The following CTNND2 variants were observed in gnomAD, a reference collection of about 807,000 sequenced individuals.
CTNND2 encodes catenin delta 2, also known as catenin delta-2.
Under a neutral mutation model 144.4 loss-of-function variants are expected in CTNND2, and 22 were observed. The observed-to-expected ratio is 0.15, with a 90% CI of 0.11 to 0.22. The LOEUF is 0.22. CTNND2 is among the 10% of genes least tolerant of loss of function. The pLI, the probability that CTNND2 is intolerant of heterozygous loss-of-function variation, is 1.00. For synonymous variants in CTNND2, 751 were observed against 695.6 expected, an observed-to-expected ratio of 1.08 and a Z score of -1.25; for missense variants, 1,353 against 1,618.8, an observed-to-expected ratio of 0.84 and a Z score of 2.82.
At chr5:11,528,241 A>C (rs1167371286) in intron 3 of CTNND2, among the ~76,000 whole-genome samples, 1 of 152,074 alleles carries the variant, frequency 6.6e-6, no homozygotes, top group Non-Finnish European at 1.5e-5. Flanking sequence ...ACTTGGAGAC[A>C]AGCCGCACAG....
intron 3 of CTNND2, among the ~76,000 whole-genome samples, chr5:11,488,633 C>A (rs1421262508): frequency 6.6e-6 from 1 of 152,078 alleles, no homozygotes; most frequent in Non-Finnish European, 1.5e-5. Flanking sequence ...TATATAGATT[C>A]ATGTAACTAG....
chr5:11,202,311 C>T (rs549680230), intron 10 of CTNND2, among the ~76,000 whole-genome samples: 1 of 151,994 alleles, frequency 6.6e-6, no homozygotes, highest in Admixed American at 6.6e-5. Flanking sequence ...AAACTGAATG[C>T]AGCATGAATT....
At chr5:11,221,624 T>C (rs1225084791) in intron 10 of CTNND2, among the ~76,000 whole-genome samples, 3 of 152,244 alleles carry the variant, frequency 2.0e-5, no homozygotes, top group Non-Finnish European at 4.4e-5. Flanking sequence ...CATCACATGA[T>C]ACGAAGCCTT....
At chr5:11,647,653 C>T (rs1332259775) in intron 2 of CTNND2, among the ~76,000 whole-genome samples, 1 of 152,050 alleles carries the variant, frequency 6.6e-6, no homozygotes, top group African/African-American at 2.4e-5. Flanking sequence ...TCCTGCACCC[C>T]ACACAATTCT....
At chr5:11,266,058 T>G (rs901571456) in intron 9 of CTNND2, among the ~76,000 whole-genome samples, 1 of 152,132 alleles carries the variant, frequency 6.6e-6, no homozygotes, top group African/African-American at 2.4e-5. Context: ...TTCAGGTAGT[T>G]TTGATCCATA....
chr5:11,753,023 A>G (rs1163153280), intron 1 of CTNND2, among the ~76,000 whole-genome samples: 1 of 151,692 alleles, frequency 6.6e-6, no homozygotes, highest in Non-Finnish European at 1.5e-5. Context: ...TTTGTGCACT[A>G]ATTTTACATT....
chr5:11,190,570 G>A (rs566026585), intron 11 of CTNND2, among the ~76,000 whole-genome samples: 2 of 152,270 alleles, frequency 1.3e-5, no homozygotes, highest in Admixed American at 1.3e-4. Flanking sequence ...GTGACAATGT[G>A]GCCTTCTTCT....
At chr5:11,158,980 T>G (rs61753306) in intron 12 of CTNND2, among the ~76,000 whole-genome samples, 9,832 of 152,186 alleles carry the variant, frequency 0.065, 600 homozygotes, top group East Asian at 0.33. Context: ...TTCTAAGAAA[T>G]CTCAATAGAT....
chr5:11,720,269 G>T (rs143110648), intron 2 of CTNND2, among the ~76,000 whole-genome samples: 18 of 152,158 alleles, frequency 1.2e-4, no homozygotes, highest in African/African-American at 4.3e-4. Context: ...AGTGAAACTT[G>T]CCATTGTCAC....
At chr5:11,240,070 C>T (rs899580964) in intron 9 of CTNND2, among the ~76,000 whole-genome samples, 1 of 152,038 alleles carries the variant, frequency 6.6e-6, no homozygotes, top group African/African-American at 2.4e-5. Context: ...ACCAGTGACT[C>T]TCAGAAGAGC....
intron 1 of CTNND2, among the ~76,000 whole-genome samples, chr5:11,816,355 C>A (rs907381768): frequency 1.3e-4 from 20 of 152,090 alleles, no homozygotes; most frequent in African/African-American, 3.9e-4. Context: ...AAGGAGAACA[C>A]AGAAACCAGA....
chr5:11,046,567 A>G (rs1227404016), intron 16 of CTNND2, among the ~76,000 whole-genome samples: 1 of 152,208 alleles, frequency 6.6e-6, no homozygotes, highest in Non-Finnish European at 1.5e-5. Context: ...ACTTTGAAGA[A>G]GAGACCACAA....
chr5:11,623,657 A>G (rs1780974531), intron 2 of CTNND2, among the ~76,000 whole-genome samples: 1 of 151,714 alleles, frequency 6.6e-6, no homozygotes, highest in African/African-American at 2.4e-5. Context: ...GCAAATGGAA[A>G]ACAGAAAAAA....
intron 2 of CTNND2, among the ~76,000 whole-genome samples, chr5:11,641,476 T>TATGTACATGCACACATATACAC (rs1781996595): frequency 2.1e-5 from 3 of 143,210 alleles, no homozygotes; most frequent in Non-Finnish European, 4.6e-5. Flanking sequence ...CTTTTATGTA[T>TATGTACATGCACACATATACAC]GTATATGTAC....
At chr5:11,521,808 C>T (rs1772747756) in intron 3 of CTNND2, among the ~76,000 whole-genome samples, 1 of 152,092 alleles carries the variant, frequency 6.6e-6, no homozygotes, top group Non-Finnish European at 1.5e-5. Flanking sequence ...GATGCATAGC[C>T]GATGTTAAAC....
chr5:11,242,226 C>T (rs1208612828), intron 9 of CTNND2, among the ~76,000 whole-genome samples: 1 of 152,060 alleles, frequency 6.6e-6, no homozygotes, highest in Non-Finnish European at 1.5e-5. Flanking sequence ...AAGTCAGTTG[C>T]CAAGGTTCTC....
In CTNND2 at chr5:11,836,767, G is replaced by C. The variant is rs961671932; in HGVS notation, c.37+67050C>G. On this transcript the variant is annotated intron_variant, in intron 1 of 21. Coordinates refer to ENST00000304623, the MANE Select transcript of CTNND2 (RefSeq NM_001332.4). ...CTACTCTGTATTTAGCTTTACCGAA[G>C]GTAGGTATATTGGCAATGAAAATAT... 2.6e-5 allele frequency among the ~76,000 whole-genome samples: 4 copies of C among 152,112 alleles called. No individual in the cohort carries two copies. The East Asian group carries it at 7.7e-4, about 29-fold the overall frequency.
intron 2 of CTNND2, among the ~76,000 whole-genome samples, chr5:11,714,862 G>A (rs761040278): frequency 2.0e-5 from 3 of 149,358 alleles, no homozygotes; most frequent in South Asian, 2.1e-4. Flanking sequence ...GCAGTGAGCC[G>A]AGATCCCACC....
chr5:11,552,502 C>T (rs1775852054), intron 3 of CTNND2, among the ~76,000 whole-genome samples: 1 of 152,178 alleles, frequency 6.6e-6, no homozygotes, highest in African/African-American at 2.4e-5. Flanking sequence ...TTAATGTCCC[C>T]ATCCTAAAAT....
Sources: gnomAD v4.1 joint callset for allele counts (sites outside exome capture counted in the v4.1 genomes callset) on GRCh38, gnomAD v4.1.1 for gene constraint, MANE v1.5 for transcripts, NCBI Gene and HGNC (gene_info 2026-07-23, HGNC 2026-07-21) for gene names.